The following MGRN1 variants were observed in gnomAD, a reference collection of about 807,000 sequenced individuals.
MGRN1 encodes the protein mahogunin ring finger 1, also known as E3 ubiquitin-protein ligase MGRN1.
Under a neutral mutation model 69.2 loss-of-function variants are expected in MGRN1, and 29 were observed. The observed-to-expected ratio is 0.42, with a 90% CI of 0.31 to 0.57. The LOEUF (loss-of-function observed/expected upper bound fraction) is 0.57, where lower values mean the gene tolerates loss of function less well. MGRN1 is among the 20% of genes least tolerant of loss of function. The pLI, the probability that MGRN1 is intolerant of heterozygous loss-of-function variation, is 0.15. For synonymous variants in MGRN1, 470 were observed against 344.2 expected (o/e 1.37, Z -4.04); for missense variants, 998 against 796.2 (o/e 1.25, Z -3.05).
At chr16:4,680,189 A>G (rs1198003287) in intron 12 of MGRN1, 92 bp downstream of exon 12, 9 of 1,275,372 alleles carry the variant, frequency 7.1e-6, no homozygotes, top group East Asian at 2.5e-5. Flanking sequence ...GCCCCAGGCT[A>G]GTGTCTGATT....
chr16:4,639,445 C>T (rs367632953), intron 1 of MGRN1, among the ~76,000 whole-genome samples: 3 of 152,168 alleles, frequency 2.0e-5, no homozygotes, highest in African/African-American at 7.2e-5. Flanking sequence ...CCATGGCCTT[C>T]AGGTCAGGGT....
At chr16:4,644,144 ATTTT>A (rs1238734252) in intron 1 of MGRN1, among the ~76,000 whole-genome samples, 2 of 149,892 alleles carry the variant, frequency 1.3e-5, no homozygotes, top group African/African-American at 4.9e-5. Flanking sequence ...CTCCCGGCTA[ATTTT>A]TTTTTGTTTT....
Position 4,689,513 on chromosome 16 carries a change from T to C in MGRN1, c.*605T>C, listed in dbSNP as rs1684590. 0.54 allele frequency: 83,069 copies of C among 152,562 alleles called. 22,829 individuals are homozygous for C. The highest frequency in any genetic ancestry group is 0.69 in the East Asian group (3,547 of 5,158). 9.5% of individuals were successfully genotyped at this position (152,562 alleles called of 1,614,324 possible). ...TGCTCGGGGCCTTGGGGTGCATGGG[T>C]GCCGCCCTGGGCAGCTAGAGTGTCT... On this transcript the variant is annotated 3_prime_UTR_variant, in exon 17 of 17. Coordinates refer to ENST00000262370, the MANE Select transcript of MGRN1 (RefSeq NM_015246.4).
chr16:4,681,946 A>G lies in MGRN1; in HGVS notation c.1358+170A>G, dbSNP rs528835738. Among the ~76,000 whole-genome samples the G allele has an allele frequency of 2.6e-5, 4 of 152,378 alleles. No individual in the cohort carries two copies. The East Asian group carries it at 7.7e-4, about 29-fold the overall frequency. Reference sequence around the variant, plus strand: ...CTCATGGGTAAAGTTTATTACGGCAAAGAACGCAGCAGACGAGGCAGGAAG... The same window carrying G: ...CTCATGGGTAAAGTTTATTACGGCAGAGAACGCAGCAGACGAGGCAGGAAG... On this transcript the variant is annotated intron_variant, in intron 13 of 16. Transcript: ENST00000262370.
In MGRN1 at chr16:4,665,099, C is replaced by T. The variant is rs748293549; in HGVS notation, c.629-3C>T. ...GACTACTCTGCCCCTCTCTCCCCAG[C>T]AGTGGTGGAAGTGACTGGCCACGCC... On this transcript the variant is annotated splice_region_variant and splice_polypyrimidine_tract_variant and intron_variant, in intron 6 of 16. Coordinates refer to ENST00000262370, the MANE Select transcript of MGRN1 (RefSeq NM_015246.4). The T allele has an allele frequency of 2.5e-6, 4 of 1,614,214 alleles. No individual in the cohort carries two copies. In the Admixed American group the frequency reaches 6.7e-5, roughly 27 times the overall value.
intron 7 of MGRN1, among the ~76,000 whole-genome samples, chr16:4,666,158 C>G (rs776647227): frequency 2.6e-5 from 4 of 151,888 alleles, no homozygotes; most frequent in Non-Finnish European, 5.9e-5. Context: ...AACAGGGTCT[C>G]GCTCTGTTGC....
intron 16 of MGRN1, among the ~76,000 whole-genome samples, chr16:4,685,216 C>T (rs1252599294): frequency 1.3e-5 from 2 of 152,180 alleles, no homozygotes; most frequent in Admixed American, 6.5e-5. Context: ...GGGGGGTGAT[C>T]GGGGAAGAGG....
rs116305358 is a variant in MGRN1 at position 4,638,841 on chromosome 16, C to T, written c.89-11524C>T. On this transcript the variant is annotated intron_variant, in intron 1 of 16. Transcript: ENST00000262370. ...CTCGTGGCCTTCCCACTCCCCCTTC[C>T]TCGGGTGGGAACGATGGCTGAGGCA... 7.9e-3 allele frequency among the ~76,000 whole-genome samples: 1,201 copies of T among 152,302 alleles called. 27 individuals are homozygous for T. The highest frequency in any genetic ancestry group is 0.027 in the African/African-American group (1,131 of 41,568).
chr16:4,689,188 G>A lies in MGRN1; in HGVS notation c.*280G>A, dbSNP rs560218765. On this transcript the variant is annotated 3_prime_UTR_variant, in exon 17 of 17. Coordinates refer to ENST00000262370, the MANE Select transcript of MGRN1 (RefSeq NM_015246.4). ...TTCCCCAGGGTCCTGTGGGCTGAGC[G>A]GCTGGGGCTGGGGCTGCCCACGTGT... 5.6e-5 allele frequency: 21 copies of A among 378,308 alleles called. No individual in the cohort carries two copies. Among genetic ancestry groups the A allele is most frequent in the African/African-American group, 1.6e-4 (8 of 48,854 alleles). The allele number at this position is 378,308 out of a possible 1,614,324, so 23.4% of individuals were successfully genotyped here.
At position 4,677,428 on chromosome 16, in the gene MGRN1, G is replaced by A. The variant is rs371552701; in HGVS notation, c.956-35G>A. 1,777 of 1,496,006 alleles carry A rather than the reference G, an allele frequency of 1.2e-3. 3 individuals carry two copies. Among genetic ancestry groups the A allele is most frequent in the Middle Eastern group, 1.5e-3 (7 of 4,660 alleles). The allele number at this position is 1,496,006 out of a possible 1,614,324, so 92.7% of individuals were successfully genotyped here. ...GGGTCCCCTCGGGGCTGGGTGTGTC[G>A]CCTGGGCCTGATCTGAGCCCTCCTT... On this transcript the variant is annotated intron_variant, in intron 10 of 16. Coordinates refer to ENST00000262370, the MANE Select transcript of MGRN1 (RefSeq NM_015246.4).
At chr16:4,652,627 C>T (rs1596282491) in intron 3 of MGRN1, 51 bp from the exon 4 acceptor site, 1 of 1,564,158 alleles carries the variant, frequency 6.4e-7, no homozygotes, top group Non-Finnish European at 8.7e-7. Context: ...GAGGCAGCCT[C>T]CGCAGATGGG....
At chr16:4,638,207 C>T (rs1028547590) in intron 1 of MGRN1, among the ~76,000 whole-genome samples, 9 of 152,106 alleles carry the variant, frequency 5.9e-5, no homozygotes, top group African/African-American at 2.2e-4. Context: ...TGGTGGCTCC[C>T]TGTAATCCCA....
chr16:4,645,767 GCCTCGGAGGCTACTGGGA>G (rs1375604330), intron 1 of MGRN1, among the ~76,000 whole-genome samples: 1 of 152,132 alleles, frequency 6.6e-6, no homozygotes, highest in Non-Finnish European at 1.5e-5. Context: ...CTTGTCTGGG[GCCTCGGAGGCTACTGGGA>G]CCTGCCCCAG....
chr16:4,664,829 C>T (rs2078763351), intron 6 of MGRN1, 54 bp downstream of exon 6: 1 of 1,599,170 alleles, frequency 6.3e-7, no homozygotes, highest in East Asian at 2.2e-5. Flanking sequence ...AGGGAGGAAG[C>T]ACGTCTTGAG....
At chr16:4,641,256 G>T (rs2078150253) in intron 1 of MGRN1, among the ~76,000 whole-genome samples, 1 of 152,210 alleles carries the variant, frequency 6.6e-6, no homozygotes, top group South Asian at 2.1e-4. Flanking sequence ...CCCAGGCCTG[G>T]TCCCTTCCTC....
chr16:4,685,657 T>G (rs948756693), intron 16 of MGRN1, among the ~76,000 whole-genome samples: 7 of 152,246 alleles, frequency 4.6e-5, no homozygotes, highest in South Asian at 2.1e-4. Context: ...GCTGTCAGCC[T>G]TGTCAGCACA....
intron 3 of MGRN1, 26 bp downstream of exon 3, chr16:4,652,077 C>T (rs1444379758): frequency 6.8e-6 from 11 of 1,608,776 alleles, no homozygotes; most frequent in Middle Eastern, 1.7e-4. Context: ...CCCTGGGGAC[C>T]CTGTGGCTCT....
At chr16:4,638,387 C>A (rs532600830) in intron 1 of MGRN1, among the ~76,000 whole-genome samples, 2 of 152,038 alleles carry the variant, frequency 1.3e-5, no homozygotes, top group African/African-American at 4.8e-5. Context: ...ATCACCTGAA[C>A]CCGGGAGGCA....
At chr16:4,683,488 T>C (rs1429004459) in intron 15 of MGRN1, among the ~76,000 whole-genome samples, 1 of 151,622 alleles carries the variant, frequency 6.6e-6, no homozygotes, top group East Asian at 1.9e-4. Flanking sequence ...GCTGTCTGCC[T>C]GGGATGGGGA....
Sources: gnomAD v4.1 joint callset for allele counts (sites outside exome capture counted in the v4.1 genomes callset) on GRCh38, gnomAD v4.1.1 for gene constraint, MANE v1.5 for transcripts, NCBI Gene and HGNC (gene_info 2026-07-23, HGNC 2026-07-21) for gene names.